The following RGL1 variants were observed in gnomAD, a reference collection of about 807,000 sequenced individuals.
RGL1 encodes ral guanine nucleotide dissociation stimulator-like 1.
Under a neutral mutation model 95.2 loss-of-function variants are expected in RGL1, and 24 were observed. The observed-to-expected ratio is 0.25, with a 90% CI of 0.18 to 0.35. The LOEUF is 0.35. Ranked by LOEUF, RGL1 falls within the 10% of genes least tolerant of loss-of-function variation. RGL1 has a pLI of 1.00. For missense variants in RGL1, 715 were observed against 936.3 expected (o/e 0.76, Z 3.08); for synonymous variants, 329 against 344.9 (o/e 0.95, Z 0.51).
intron 2 of RGL1, among the ~76,000 whole-genome samples, chr1:183,791,934 A>G (rs1041702805): frequency 1.3e-5 from 2 of 152,278 alleles, no homozygotes; most frequent in African/African-American, 2.4e-5. Context: ...AATCATGTGA[A>G]TTCATGGTTT....
At chr1:183,786,166 C>T (rs923316367) in intron 2 of RGL1, among the ~76,000 whole-genome samples, 2 of 147,622 alleles carry the variant, frequency 1.4e-5, no homozygotes, top group African/African-American at 5.0e-5. Flanking sequence ...CTTTGAGAGG[C>T]CAAGGCAGGA....
intron 4 of RGL1, among the ~76,000 whole-genome samples, chr1:183,875,806 G>A (rs1378614689): frequency 6.7e-6 from 1 of 149,930 alleles, no homozygotes; most frequent in African/African-American, 2.5e-5. Flanking sequence ...TTGAACCTGG[G>A]AGGCGAAGAT....
chr1:183,909,444 A>G (rs1212204713), intron 14 of RGL1, among the ~76,000 whole-genome samples: 2 of 152,176 alleles, frequency 1.3e-5, no homozygotes, highest in African/African-American at 4.8e-5. Flanking sequence ...GAGATAATGG[A>G]TGGAGGACCA....
At position 183,914,126 on chromosome 1, in the gene RGL1, C is replaced by CT. The variant is rs1668822946; in HGVS notation, c.1749+1859dup. Among the ~76,000 whole-genome samples, 10 of 152,304 alleles carry CT rather than the reference C, an allele frequency of 6.6e-5. 1 individual carries two copies. In the South Asian group the frequency reaches 2.1e-3, roughly 32 times the overall value. ...GGTAGACATTGTAGGAAAGTAATAA[C>CT]TGAGGTATTGCCCACATTATTGTGG... On this transcript the variant is annotated intron_variant, in intron 15 of 17. Coordinates refer to ENST00000360851, the MANE Select transcript of RGL1 (RefSeq NM_001297671.3).
At chr1:183,700,526 G>C (rs1278170285) in intron 1 of RGL1, among the ~76,000 whole-genome samples, 1 of 150,092 alleles carries the variant, frequency 6.7e-6, no homozygotes, top group African/African-American at 2.4e-5. Flanking sequence ...GTGGTTTGCT[G>C]CATCTATCAA....
At chr1:183,765,651 T>C (rs1658924509) in intron 2 of RGL1, among the ~76,000 whole-genome samples, 1 of 152,188 alleles carries the variant, frequency 6.6e-6, no homozygotes, top group Non-Finnish European at 1.5e-5. Flanking sequence ...TTCTCTCTGG[T>C]CCAATGGCAC....
intron 1 of RGL1, among the ~76,000 whole-genome samples, chr1:183,678,986 G>A (rs536802054): frequency 6.6e-6 from 1 of 152,330 alleles, no homozygotes; most frequent in African/African-American, 2.4e-5. Context: ...AAGACTAGGA[G>A]ACGTGAGTAC....
intron 1 of RGL1, among the ~76,000 whole-genome samples, chr1:183,726,084 AG>A (rs1656297118): frequency 6.6e-6 from 1 of 152,180 alleles, no homozygotes. Context: ...TGAAATAAAA[AG>A]GAAAGTAGAA....
chr1:183,669,483 G>A (rs1393536338), intron 1 of RGL1, among the ~76,000 whole-genome samples: 2 of 152,150 alleles, frequency 1.3e-5, no homozygotes, highest in Admixed American at 1.3e-4. Flanking sequence ...GGTAATTCTA[G>A]CGTTTCTACC....
chr1:183,734,294 G>A (rs1410924475), intron 1 of RGL1, among the ~76,000 whole-genome samples: 1 of 152,178 alleles, frequency 6.6e-6, no homozygotes, highest in African/African-American at 2.4e-5. Context: ...TATTTTGTAA[G>A]TGGAACACTG....
At chr1:183,735,549 C>A (rs534889552) in intron 1 of RGL1, among the ~76,000 whole-genome samples, 1 of 152,250 alleles carries the variant, frequency 6.6e-6, no homozygotes, top group East Asian at 1.9e-4. Flanking sequence ...GCAAAAAAAG[C>A]AATACTCAGG....
At chr1:183,910,365 T>A (rs190679835) in intron 14 of RGL1, among the ~76,000 whole-genome samples, 203 of 152,352 alleles carry the variant, frequency 1.3e-3, no homozygotes, top group African/African-American at 4.4e-3. Context: ...CCCAAAGTGC[T>A]GGAAGCACTT....
At chr1:183,776,187 C>T (rs1462534040) in intron 2 of RGL1, among the ~76,000 whole-genome samples, 8 of 130,254 alleles carry the variant, frequency 6.1e-5, no homozygotes, top group African/African-American at 2.1e-4. Context: ...CTCGCTCTGT[C>T]GCCCAGGCTG....
chr1:183,718,408 C>G (rs780449174), intron 1 of RGL1, among the ~76,000 whole-genome samples: 1 of 152,178 alleles, frequency 6.6e-6, no homozygotes. Flanking sequence ...GAAATTATAT[C>G]ATTTGCAAAT....
chr1:183,662,731 C>G (rs1438490966), intron 1 of RGL1, among the ~76,000 whole-genome samples: 2 of 151,996 alleles, frequency 1.3e-5, no homozygotes. Flanking sequence ...CATATGGAAC[C>G]AAAAAAGAGC....
At chr1:183,699,283 A>T (rs1654442787) in intron 1 of RGL1, among the ~76,000 whole-genome samples, 1 of 152,240 alleles carries the variant, frequency 6.6e-6, no homozygotes, top group African/African-American at 2.4e-5. Flanking sequence ...ACTGGTCCAG[A>T]CTGAGTAAGC....
At position 183,883,800 on chromosome 1, in the gene RGL1, A is replaced by G. The variant is rs775475058; in HGVS notation, c.625A>G (p.Thr209Ala). 2.8e-5 allele frequency: 46 copies of G among 1,614,088 alleles called. No homozygotes were observed. The Admixed American group carries it at 7.5e-4, about 26-fold the overall frequency. Reference protein sequence around the residue: ...EVETDNGLPNTISFSLEEEEE... With the variant: ...EVETDNGLPNAISFSLEEEEE... ...TATGTGAACAGATGGGCTTCCCAAC[A>G]CGATCTCCTTCAGCCTGGAAGAGGA... The change falls in exon 6 of 18, where the codon ACG becomes GCG. Residue 209 changes from threonine (T) to alanine (A), a missense_variant. Coordinates refer to ENST00000360851, the MANE Select transcript of RGL1 (RefSeq NM_001297671.3).
At chr1:183,746,205 T>C (rs1316320855) in intron 2 of RGL1, among the ~76,000 whole-genome samples, 4 of 152,140 alleles carry the variant, frequency 2.6e-5, no homozygotes, top group Non-Finnish European at 4.4e-5. Context: ...ATCTCTTTGA[T>C]TTCTTTCCCT....
intron 2 of RGL1, among the ~76,000 whole-genome samples, chr1:183,816,880 C>T (rs1662127381): frequency 6.6e-6 from 1 of 152,158 alleles, no homozygotes; most frequent in Admixed American, 6.5e-5. Flanking sequence ...CCACCGTTGT[C>T]CCCACTGGGA....
Sources: allele counts gnomAD v4.1 joint callset (sites outside exome capture counted in the v4.1 genomes callset), GRCh38; gene constraint gnomAD v4.1.1; transcripts MANE v1.5; gene names NCBI Gene and HGNC (gene_info 2026-07-23, HGNC 2026-07-21).